Variants in MGAT4C observed in about 807,000 individuals in gnomAD.
The protein encoded by MGAT4C is MGAT4 family member C.
In MGAT4C, 19 loss-of-function variants were observed where a neutral mutation model predicts 40.1. The observed-to-expected ratio is 0.47, with a 90% confidence interval of 0.33 to 0.70. MGAT4C has a LOEUF of 0.70. Ranked by LOEUF, MGAT4C falls within the 30% of genes least tolerant of loss-of-function variation. The pLI, the probability that MGAT4C is intolerant of heterozygous loss-of-function variation, is 0.02. For missense variants in MGAT4C, 491 were observed against 563.2 expected, an observed-to-expected ratio of 0.87 and a Z score of 1.30; for synonymous variants, 181 against 187.1, an observed-to-expected ratio of 0.97 and a Z score of 0.27.
At chr12:86,314,072 T>C (rs1954140004) in intron 4 of MGAT4C, among the ~76,000 whole-genome samples, 1 of 152,214 alleles carries the variant, frequency 6.6e-6, no homozygotes, top group African/African-American at 2.4e-5. Flanking sequence ...GTTTCCTATA[T>C]TTATTATTTC....
At chr12:86,046,834 T>C (rs7309725) in intron 2 of MGAT4C, among the ~76,000 whole-genome samples, 67,455 of 151,926 alleles carry the variant, frequency 0.44, 15,773 homozygotes, top group African/African-American at 0.52. Flanking sequence ...GTAGCAGGTA[T>C]GACACTCCAG....
intron 2 of MGAT4C, among the ~76,000 whole-genome samples, chr12:86,665,394 T>C (rs895360746): frequency 6.6e-6 from 1 of 152,074 alleles, no homozygotes; most frequent in African/African-American, 2.4e-5. Flanking sequence ...CTTTTTTTTT[T>C]GAGACGGAGC....
At chr12:86,543,563 C>T (rs962316546) in intron 2 of MGAT4C, among the ~76,000 whole-genome samples, 4 of 151,924 alleles carry the variant, frequency 2.6e-5, no homozygotes, top group Admixed American at 6.6e-5. Context: ...ACTTTTTCCA[C>T]AATTGCATTA....
At chr12:86,430,648 A>G (rs1303382107) in intron 3 of MGAT4C, among the ~76,000 whole-genome samples, 1 of 152,138 alleles carries the variant, frequency 6.6e-6, no homozygotes, top group Non-Finnish European at 1.5e-5. Context: ...TACTCTGGTC[A>G]GCCAATTATG....
chr12:86,525,165 G>A (rs1215573252), intron 2 of MGAT4C, among the ~76,000 whole-genome samples: 3 of 152,188 alleles, frequency 2.0e-5, no homozygotes, highest in Non-Finnish European at 4.4e-5. Flanking sequence ...AGAAGTAACT[G>A]AATCATGGAC....
At chr12:86,295,358 A>C (rs1202671770) in intron 4 of MGAT4C, among the ~76,000 whole-genome samples, 1 of 152,164 alleles carries the variant, frequency 6.6e-6, no homozygotes, top group Non-Finnish European at 1.5e-5. Flanking sequence ...TTCAAGAAAG[A>C]AGCCGCAGAC....
At chr12:86,597,008 G>T (rs1340161510) in intron 2 of MGAT4C, among the ~76,000 whole-genome samples, 1 of 152,180 alleles carries the variant, frequency 6.6e-6, no homozygotes, top group Non-Finnish European at 1.5e-5. Flanking sequence ...TCATAAGATG[G>T]ACAGAACAGA....
At chr12:86,822,874 G>A (rs774886367) in intron 1 of MGAT4C, among the ~76,000 whole-genome samples, 5 of 151,014 alleles carry the variant, frequency 3.3e-5, no homozygotes, top group African/African-American at 4.8e-5. Context: ...CTTCACCAGT[G>A]CACATAGAAT....
intron 2 of MGAT4C, among the ~76,000 whole-genome samples, chr12:86,464,903 T>G: frequency 6.6e-6 from 1 of 152,222 alleles, no homozygotes; most frequent in East Asian, 1.9e-4. Context: ...TGCATTATAT[T>G]TATATGATAT....
At chr12:86,566,620 G>GTA (rs1360914307) in intron 2 of MGAT4C, among the ~76,000 whole-genome samples, 1 of 127,812 alleles carries the variant, frequency 7.8e-6, no homozygotes, top group Non-Finnish European at 1.7e-5. Flanking sequence ...TATTATATAT[G>GTA]TATATATGTA....
chr12:86,714,356 A>C (rs1379605670), intron 2 of MGAT4C, among the ~76,000 whole-genome samples: 1 of 152,140 alleles, frequency 6.6e-6, no homozygotes, highest in Admixed American at 6.6e-5. Flanking sequence ...CAGTAAATAC[A>C]TACAAAGCAG....
At chr12:86,383,537 G>A (rs571605942) in intron 3 of MGAT4C, among the ~76,000 whole-genome samples, 219 of 100,504 alleles carry the variant, frequency 2.2e-3, no homozygotes, top group Non-Finnish European at 2.8e-3. Flanking sequence ...GTGACAGAGC[G>A]ACACTTCGTC....
chr12:86,558,633 T>C (rs1327757152), intron 2 of MGAT4C, among the ~76,000 whole-genome samples: 3 of 151,956 alleles, frequency 2.0e-5, no homozygotes, highest in Non-Finnish European at 2.9e-5. Flanking sequence ...ACCAGTCCTA[T>C]AGGAAATGCA....
At chr12:86,293,446 G>A (rs1200448258) in intron 4 of MGAT4C, among the ~76,000 whole-genome samples, 1 of 151,928 alleles carries the variant, frequency 6.6e-6, no homozygotes, top group African/African-American at 2.4e-5. Flanking sequence ...AAAATAATAG[G>A]AAGGCAAAAT....
At chr12:86,204,038 A>T (rs1373002714) in intron 1 of MGAT4C, among the ~76,000 whole-genome samples, 2 of 150,958 alleles carry the variant, frequency 1.3e-5, no homozygotes, top group African/African-American at 4.8e-5. Flanking sequence ...AAGAAATTAG[A>T]AGCAGAAAGA....
intron 2 of MGAT4C, among the ~76,000 whole-genome samples, chr12:86,544,690 A>G (rs1237199755): frequency 6.6e-6 from 1 of 152,124 alleles, no homozygotes; most frequent in Non-Finnish European, 1.5e-5. Context: ...TTGGCCAATC[A>G]AATCATTGTA....
chr12:86,461,239 T>C (rs575343100), intron 2 of MGAT4C, among the ~76,000 whole-genome samples: 346 of 144,356 alleles, frequency 2.4e-3, no homozygotes, highest in African/African-American at 6.0e-3. Context: ...ACATCTTCTT[T>C]TTTTTTTTTT....
At chr12:86,149,862 G>A (rs1013135739) in intron 1 of MGAT4C, among the ~76,000 whole-genome samples, 5 of 152,132 alleles carry the variant, frequency 3.3e-5, no homozygotes, top group African/African-American at 4.8e-5. Flanking sequence ...AAATTAAAGA[G>A]AGTATTTTAG....
At chr12:86,483,995 G>A (rs912267707) in intron 2 of MGAT4C, among the ~76,000 whole-genome samples, 1 of 151,880 alleles carries the variant, frequency 6.6e-6, no homozygotes, top group African/African-American at 2.4e-5. Context: ...ATGAAATCTT[G>A]TGCAGGGTTG....
Sources: allele counts gnomAD v4.1 joint callset (sites outside exome capture counted in the v4.1 genomes callset), GRCh38; gene constraint gnomAD v4.1.1; transcripts MANE v1.5; gene names NCBI Gene and HGNC (gene_info 2026-07-23, HGNC 2026-07-21).